The following ATXN7 variants were observed in gnomAD, a reference collection of about 807,000 sequenced individuals.
ATXN7 encodes ataxin 7.
A neutral mutation model predicts 70.5 loss-of-function variants in ATXN7; 12 were observed. The observed-to-expected ratio is 0.17, with a 90% CI of 0.11 to 0.28. The LOEUF is 0.28. Ranked by LOEUF, ATXN7 falls within the 10% of genes least tolerant of loss-of-function variation. The pLI is 1.00. For synonymous variants in ATXN7, 498 were observed against 448.7 expected (o/e 1.11, Z -1.39); for missense variants, 1,256 against 1,131.7 (o/e 1.11, Z -1.58).
At chr3:63,921,679 C>G (rs1209390780) in intron 4 of ATXN7, among the ~76,000 whole-genome samples, 1 of 152,030 alleles carries the variant, frequency 6.6e-6, no homozygotes, top group Non-Finnish European at 1.5e-5. Context: ...AGAGACAGTT[C>G]TGGGAACCCC....
At chr3:63,884,357 A>T (rs1360765960) in intron 1 of ATXN7, among the ~76,000 whole-genome samples, 1 of 152,110 alleles carries the variant, frequency 6.6e-6, no homozygotes, top group Non-Finnish European at 1.5e-5. Flanking sequence ...AACCTAGAAC[A>T]ATTTGAGCAG....
Position 63,912,581 on chromosome 3 carries a change from A to G in ATXN7, c.-11-7A>G, listed in dbSNP as rs1361756054. The G allele has an allele frequency of 3.6e-6, 4 of 1,106,010 alleles. No individual in the cohort carries two copies. Among genetic ancestry groups the G allele is most frequent in the South Asian group, 2.3e-5 (1 of 42,762 alleles). 68.5% of individuals were successfully genotyped at this position (1,106,010 alleles called of 1,614,324 possible). ...ACTCTTTCCCCCTTTTTTTTGTTACATTGTAGGAGCGGAAAGAATGTCGGA... is the reference window on the plus strand; with the variant it reads ...ACTCTTTCCCCCTTTTTTTTGTTACGTTGTAGGAGCGGAAAGAATGTCGGA... On this transcript the variant is annotated splice_region_variant and splice_polypyrimidine_tract_variant and intron_variant, in intron 2 of 12. Transcript: ENST00000674280.
At chr3:63,980,746 G>C (rs1247354707) in intron 6 of ATXN7, 2 of 154,200 alleles carry the variant, frequency 1.3e-5, no homozygotes, top group Non-Finnish European at 2.9e-5. Flanking sequence ...TGCTACTGCT[G>C]CTGTGGATAA....
At chr3:63,885,562 A>G (rs1427118304) in intron 1 of ATXN7, among the ~76,000 whole-genome samples, 1 of 152,228 alleles carries the variant, frequency 6.6e-6, no homozygotes, top group African/African-American at 2.4e-5. Flanking sequence ...AAAATAGAAA[A>G]GAACTATATG....
chr3:63,863,510 G>T, upstream of ATXN7: 6 of 1,186,746 alleles, frequency 5.1e-6, no homozygotes, highest in Non-Finnish European at 6.3e-6. Flanking sequence ...ACACCCTATA[G>T]CCCCGCGCTG....
rs1174019508 is a variant in ATXN7 at position 63,999,915 on chromosome 3, C to G, written c.*448C>G. On this transcript the variant is annotated 3_prime_UTR_variant, in exon 13 of 13. Transcript: ENST00000674280. ...AACACTGTCATCTGTAGGTCACTCT[C>G]CAGCAGTTAGGCACCTTAACTGGAG... The G allele has an allele frequency of 9.7e-6, 2 of 205,914 alleles. No individual in the cohort carries two copies. Among genetic ancestry groups the G allele is most frequent in the African/African-American group, 4.6e-5 (2 of 43,374 alleles). 12.8% of individuals were successfully genotyped at this position (205,914 alleles called of 1,614,324 possible).
At chr3:63,954,977 G>T (rs2075017467) in intron 5 of ATXN7, among the ~76,000 whole-genome samples, 2 of 152,108 alleles carry the variant, frequency 1.3e-5, no homozygotes, top group South Asian at 4.1e-4. Flanking sequence ...CCAAAGTACA[G>T]GGAATATAGG....
At chr3:63,874,361 G>A (rs528560494) in intron 1 of ATXN7, among the ~76,000 whole-genome samples, 1 of 152,056 alleles carries the variant, frequency 6.6e-6, no homozygotes, top group Non-Finnish European at 1.5e-5. Flanking sequence ...TTTAAAATAC[G>A]CATGTTAGAC....
At chr3:63,926,325 G>C (rs1467353146) in intron 4 of ATXN7, among the ~76,000 whole-genome samples, 1 of 152,180 alleles carries the variant, frequency 6.6e-6, no homozygotes, top group African/African-American at 2.4e-5. Flanking sequence ...TTTGGAAAAA[G>C]ATGAAGTATG....
intron 4 of ATXN7, among the ~76,000 whole-genome samples, chr3:63,935,849 G>T (rs574218785): frequency 6.6e-6 from 1 of 152,124 alleles, no homozygotes; most frequent in Non-Finnish European, 1.5e-5. Context: ...TTATAAAAGT[G>T]AGTATACAGC....
chr3:63,997,852 C>T (rs2075784766), intron 12 of ATXN7: 12 of 985,068 alleles, frequency 1.2e-5, no homozygotes, highest in Non-Finnish European at 1.3e-5. Context: ...CACCCATTGC[C>T]AAAGGTATGG....
chr3:63,959,176 ACTC>A (rs1292135825), intron 5 of ATXN7, among the ~76,000 whole-genome samples: 3 of 151,898 alleles, frequency 2.0e-5, no homozygotes, highest in Non-Finnish European at 4.4e-5. Flanking sequence ...CTAAAGCCAA[ACTC>A]CTCCTCTTTT....
At position 63,980,042 on chromosome 3, in the gene ATXN7, A is replaced by C; in HGVS notation, c.627A>C (p.Gly209=). 1.2e-6 allele frequency: 2 copies of C among 1,614,142 alleles called. No homozygotes were observed. The highest frequency in any genetic ancestry group is 1.7e-6 in the Non-Finnish European group (2 of 1,180,030). The change falls in exon 6 of 13, where the codon GGA becomes GGC. Residue 209 remains glycine, a synonymous_variant. Coordinates refer to ENST00000674280, the MANE Select transcript of ATXN7 (RefSeq NM_001377405.1). ...SASGSNRSSS[G]GVLSASSSSS... ...GTGGAAGCAACCGTTCTTCCAGTGG[A>C]GGTGTTCTTAGCGCATCCTCATCAA...
intron 1 of ATXN7, among the ~76,000 whole-genome samples, chr3:63,880,860 C>T (rs146239151): frequency 2.0e-5 from 3 of 152,302 alleles, no homozygotes; most frequent in East Asian, 1.9e-4. Flanking sequence ...TAGAAGTAAA[C>T]ACCATGAGAA....
chr3:63,875,737 A>G (rs1662407584), intron 1 of ATXN7, among the ~76,000 whole-genome samples: 1 of 152,174 alleles, frequency 6.6e-6, no homozygotes, highest in Admixed American at 6.5e-5. Context: ...TGACAGGTCT[A>G]TCACTACAAG....
intron 4 of ATXN7, among the ~76,000 whole-genome samples, chr3:63,935,934 G>A (rs1455145757): frequency 6.6e-6 from 1 of 152,152 alleles, no homozygotes; most frequent in African/African-American, 2.4e-5. Context: ...CTTAAGTGTT[G>A]TTAGCTTAGG....
chr3:63,980,868 A>C (rs2075474862), intron 6 of ATXN7, among the ~76,000 whole-genome samples: 1 of 152,148 alleles, frequency 6.6e-6, no homozygotes, highest in African/African-American at 2.4e-5. Flanking sequence ...GGTTCACATC[A>C]CAGCAGTGAT....
chr3:63,946,281 G>A (rs555352924), intron 4 of ATXN7, among the ~76,000 whole-genome samples: 2 of 152,248 alleles, frequency 1.3e-5, no homozygotes, highest in South Asian at 2.1e-4. Context: ...CTTGTCGAAC[G>A]GTGGGAATTG....
chr3:63,956,771 G>T (rs1264969751), intron 5 of ATXN7, among the ~76,000 whole-genome samples: 1 of 152,196 alleles, frequency 6.6e-6, no homozygotes, highest in Non-Finnish European at 1.5e-5. Flanking sequence ...GGTGCTCAGA[G>T]ATTCGTTGAG....
Sources: gnomAD v4.1 joint callset for allele counts (sites outside exome capture counted in the v4.1 genomes callset) on GRCh38, gnomAD v4.1.1 for gene constraint, MANE v1.5 for transcripts, NCBI Gene and HGNC (gene_info 2026-07-23, HGNC 2026-07-21) for gene names.